PAQR3: variants seen among roughly 807,000 people sequenced by gnomAD.
PAQR3 encodes the protein Raf kinase trapping to Golgi.
Under a neutral mutation model 41.7 loss-of-function variants are expected in PAQR3, and 39 were observed. The ratio of observed to expected loss-of-function variants is 0.93; its 90% CI spans 0.72 to 1.22. The LOEUF (loss-of-function observed/expected upper bound fraction) is 1.22. PAQR3 is among the 50% of genes most tolerant of loss of function. PAQR3 has a pLI of 0.00. For missense variants in PAQR3, 366 were observed against 385.6 expected (o/e 0.95, Z 0.42); for synonymous variants, 140 against 140.6 (o/e 1.00, Z 0.03).
chr4:78,930,041 G>T, intron 3 of PAQR3, 129 bp downstream of exon 3: 1 of 796,160 alleles, frequency 1.3e-6, no homozygotes, highest in Non-Finnish European at 1.9e-6. Context: ...ATAAGTTTAT[G>T]CTTATACGAG....
In PAQR3 at chr4:78,918,677, G is replaced by A. The variant is rs934987253; in HGVS notation, c.*1862C>T. ...GTATTCATATACTAATACAGGGACT[G>A]CAAAAATTGAAATGATTCAATGTTT... is the stretch of plus-strand genomic sequence containing the variant. On this transcript the variant is annotated 3_prime_UTR_variant, in exon 6 of 6. Transcript: ENST00000512733. 4.2e-6 allele frequency: 4 copies of A among 956,232 alleles called. No homozygotes were observed. The African/African-American group carries it at 7.1e-5, about 17-fold the overall frequency. The allele number at this position is 956,232 out of a possible 1,614,324, so 59.2% of individuals were successfully genotyped here.
intron 10 of PAQR3, among the ~76,000 whole-genome samples, chr4:78,906,612 T>G (rs1734299364): frequency 6.6e-6 from 1 of 152,170 alleles, no homozygotes; most frequent in South Asian, 2.1e-4. Context: ...GTTGGTCTAC[T>G]TACTTCTGGT....
chr4:78,931,979 C>T (rs1215610255), intron 2 of PAQR3, among the ~76,000 whole-genome samples: 2 of 152,020 alleles, frequency 1.3e-5, no homozygotes, highest in African/African-American at 2.4e-5. Context: ...CAGAAATAGC[C>T]CTGGAGAGCA....
chr4:78,922,999 C>A, intron 5 of PAQR3: 1 of 455,288 alleles, frequency 2.2e-6, no homozygotes. Flanking sequence ...GAATGAAGAA[C>A]AAAAAAATCT....
intron 5 of PAQR3, among the ~76,000 whole-genome samples, chr4:78,923,267 T>A (rs1337962000): frequency 6.6e-6 from 1 of 151,734 alleles, no homozygotes; most frequent in Non-Finnish European, 1.5e-5. Flanking sequence ...ACCTTTATCT[T>A]TTTTATAGAC....
chr4:78,923,467 C>A, intron 5 of PAQR3: 1 of 231,206 alleles, frequency 4.3e-6, no homozygotes, highest in Non-Finnish European at 8.5e-6. Context: ...CTGTCCTTTG[C>A]TTATTTCTTG....
downstream of PAQR3, chr4:78,911,874 T>C (rs1734639198): frequency 6.2e-7 from 1 of 1,613,874 alleles, no homozygotes; most frequent in South Asian, 1.1e-5. Flanking sequence ...ATTCACTACA[T>C]GGGTCATTCC....
intron 2 of PAQR3, chr4:78,930,582 T>C: frequency 3.8e-6 from 1 of 260,406 alleles, no homozygotes; most frequent in South Asian, 1.5e-4. Flanking sequence ...AAAATAACTA[T>C]ATTACAAAAT....
rs1735482861 is a variant in PAQR3 at position 78,919,849 on chromosome 4, T to C, written c.*690A>G. The C allele has an allele frequency of 2.0e-6, 2 of 984,574 alleles. No homozygotes were observed. Among genetic ancestry groups the C allele is most frequent in the Non-Finnish European group, 2.4e-6 (2 of 828,970 alleles). 61.0% of individuals were successfully genotyped at this position (984,574 alleles called of 1,614,324 possible). A position where few individuals can be genotyped will look rare whatever the true frequency, so the allele number is the denominator to read the frequency against. On this transcript the variant is annotated 3_prime_UTR_variant, in exon 6 of 6. Transcript: ENST00000512733. ...CCACATAATTTGTTGTCTAATCTTGTACTTAGTTTCTAATGTGATTCTTAT... is the reference window on the plus strand; with the variant it reads ...CCACATAATTTGTTGTCTAATCTTGCACTTAGTTTCTAATGTGATTCTTAT...
chr4:78,897,160 T>A (rs72660916), intron 11 of PAQR3, among the ~76,000 whole-genome samples: 1,794 of 151,614 alleles, frequency 0.012, 12 homozygotes, highest in Middle Eastern at 0.028. Context: ...TTGGTAAAAC[T>A]TTTTTTTGAG....
At chr4:78,933,263 T>C (rs1337676677) in intron 2 of PAQR3, 2 of 456,120 alleles carry the variant, frequency 4.4e-6, no homozygotes, top group Admixed American at 2.3e-5. Context: ...TCAACAAATA[T>C]TTGTTAACTG....
chr4:78,925,533 T>C (rs1736108400), intron 4 of PAQR3, among the ~76,000 whole-genome samples: 1 of 152,170 alleles, frequency 6.6e-6, no homozygotes, highest in Admixed American at 6.6e-5. Flanking sequence ...CAATTCACTC[T>C]GTCACAGAAC....
intron 2 of PAQR3, chr4:78,933,295 G>A: frequency 2.2e-6 from 1 of 455,974 alleles, no homozygotes; most frequent in South Asian, 1.5e-5. Flanking sequence ...ATCAAATCAA[G>A]GCATTATTGT....
chr4:78,926,606 A>T lies in PAQR3; in HGVS notation c.617T>A (p.Ile206Asn), dbSNP rs544024864. The change falls in exon 4 of 6, where the codon ATC becomes AAC. Residue 206 changes from isoleucine (I) to asparagine (N), a missense_variant. Physicochemically the swap from Ile to Asn is moderately radical, Grantham distance 149 (BLOSUM62 -3). Coordinates refer to ENST00000512733, the MANE Select transcript of PAQR3 (RefSeq NM_001040202.2). ...TQQWQRLRSI[I>N]FCSVSGYGVI... ...TCCATATCCCGAAACAGAACAAAAG[A>T]TGATAGAACGGAGCCTTTGCCATTG... is the stretch of plus-strand genomic sequence containing the variant. 1 of 1,614,068 alleles carries T rather than the reference A, an allele frequency of 6.2e-7. No homozygotes were observed. Among genetic ancestry groups the T allele is most frequent in the African/African-American group, 1.3e-5 (1 of 75,056 alleles).
chr4:78,906,662 T>G (rs1267608444), intron 10 of PAQR3, among the ~76,000 whole-genome samples: 5 of 152,064 alleles, frequency 3.3e-5, no homozygotes, highest in Non-Finnish European at 7.4e-5. Flanking sequence ...GAATTAGCCA[T>G]AGACTTGCTT....
intron 11 of PAQR3, among the ~76,000 whole-genome samples, chr4:78,893,122 A>C (rs1189407725): frequency 1.3e-5 from 2 of 152,226 alleles, no homozygotes; most frequent in African/African-American, 2.4e-5. Context: ...CCATTGCTTT[A>C]TGAATTATGT....
Position 78,920,206 on chromosome 4 carries a change from A to G in PAQR3, c.*333T>C. ...AAGATGACTCCATTTTCTAATGGACATGAGCCCTTCCTAAGGAAATTAAGC... is the reference window on the plus strand; with the variant it reads ...AAGATGACTCCATTTTCTAATGGACGTGAGCCCTTCCTAAGGAAATTAAGC... On this transcript the variant is annotated 3_prime_UTR_variant, in exon 6 of 6. Coordinates refer to ENST00000512733, the MANE Select transcript of PAQR3 (RefSeq NM_001040202.2). 2 of 1,015,914 alleles carry G rather than the reference A, an allele frequency of 2.0e-6. No homozygotes were observed. The highest frequency in any genetic ancestry group is 2.4e-6 in the Non-Finnish European group (2 of 850,122). The allele number at this position is 1,015,914 out of a possible 1,614,324, so 62.9% of individuals were successfully genotyped here.
At chr4:78,893,926 G>A (rs1733570358) in intron 11 of PAQR3, among the ~76,000 whole-genome samples, 1 of 152,160 alleles carries the variant, frequency 6.6e-6, no homozygotes, top group Non-Finnish European at 1.5e-5. Context: ...TGTTATTTTA[G>A]CAGGCATGAA....
intron 5 of PAQR3, among the ~76,000 whole-genome samples, chr4:78,923,143 T>C (rs962815257): frequency 6.6e-6 from 1 of 151,662 alleles, no homozygotes; most frequent in African/African-American, 2.4e-5. Context: ...GTACATATTG[T>C]GAAGTGATCC....
Sources: gnomAD v4.1 joint callset for allele counts (sites outside exome capture counted in the v4.1 genomes callset) on GRCh38, gnomAD v4.1.1 for gene constraint, MANE v1.5 for transcripts, NCBI Gene and HGNC (gene_info 2026-07-23, HGNC 2026-07-21) for gene names.